Variants in SRGAP1 observed in about 807,000 individuals in gnomAD.
SRGAP1 encodes SLIT-ROBO Rho GTPase activating protein 1.
A neutral mutation model predicts 121.9 loss-of-function variants in SRGAP1; 43 were observed. The ratio of observed to expected loss-of-function variants is 0.35; its 90% CI spans 0.28 to 0.46. The LOEUF (loss-of-function observed/expected upper bound fraction) is 0.46. Ranked by LOEUF, SRGAP1 falls within the 20% of genes least tolerant of loss-of-function variation. SRGAP1 has a pLI of 1.00. For missense variants in SRGAP1, 1,102 were observed against 1,350.9 expected (o/e 0.82, Z 2.89); for synonymous variants, 447 against 485.4 (o/e 0.92, Z 1.04).
chr12:64,011,719 G>A (rs2034257745), intron 3 of SRGAP1, among the ~76,000 whole-genome samples: 1 of 152,014 alleles, frequency 6.6e-6, no homozygotes, highest in African/African-American at 2.4e-5. Context: ...TCAAATTGTG[G>A]TTCTGAAAAT....
chr12:64,069,189 C>G (rs1231793307), intron 8 of SRGAP1, among the ~76,000 whole-genome samples: 2 of 152,140 alleles, frequency 1.3e-5, no homozygotes, highest in East Asian at 3.8e-4. Flanking sequence ...TCCACTCAGC[C>G]CACTCACCTC....
At chr12:63,953,319 C>G (rs1438334835) in intron 1 of SRGAP1, among the ~76,000 whole-genome samples, 1 of 151,754 alleles carries the variant, frequency 6.6e-6, no homozygotes, top group Admixed American at 6.6e-5. Flanking sequence ...TTCATCTTCT[C>G]AGAAGGAAAA....
At chr12:64,095,716 T>C (rs893457009) in intron 14 of SRGAP1, among the ~76,000 whole-genome samples, 4 of 152,200 alleles carry the variant, frequency 2.6e-5, no homozygotes, top group African/African-American at 9.6e-5. Flanking sequence ...TCAATGTCAA[T>C]ACTTTTTTCC....
chr12:63,863,841 C>T (rs1899536052), intron 1 of SRGAP1, among the ~76,000 whole-genome samples: 1 of 152,154 alleles, frequency 6.6e-6, no homozygotes, highest in Non-Finnish European at 1.5e-5. Flanking sequence ...TCCAGTGCAG[C>T]CACATGGTGG....
chr12:64,063,643 C>T (rs1370275911), intron 7 of SRGAP1, among the ~76,000 whole-genome samples: 1 of 148,132 alleles, frequency 6.8e-6, no homozygotes, highest in Non-Finnish European at 1.5e-5. Flanking sequence ...ATTCAGCTTT[C>T]TATGTTATTT....
intron 8 of SRGAP1, among the ~76,000 whole-genome samples, chr12:64,071,847 G>A (rs1225706100): frequency 1.3e-5 from 2 of 151,790 alleles, no homozygotes; most frequent in Non-Finnish European, 2.9e-5. Flanking sequence ...TTCTGGAATG[G>A]TGATGTGACA....
intron 21 of SRGAP1, among the ~76,000 whole-genome samples, chr12:64,133,401 G>A (rs2036815106): frequency 6.6e-6 from 1 of 152,122 alleles, no homozygotes; most frequent in Non-Finnish European, 1.5e-5. Context: ...TAGACTCACT[G>A]TAAGTCAGAC....
chr12:64,007,974 A>G (rs2034136704), intron 3 of SRGAP1, among the ~76,000 whole-genome samples: 1 of 152,186 alleles, frequency 6.6e-6, no homozygotes, highest in African/African-American at 2.4e-5. Flanking sequence ...AGAAAAACAA[A>G]GTGTCTTCAC....
intron 1 of SRGAP1, among the ~76,000 whole-genome samples, chr12:63,846,371 G>A (rs1898901687): frequency 6.6e-6 from 1 of 152,072 alleles, no homozygotes; most frequent in African/African-American, 2.4e-5. Context: ...CCATTTCTCT[G>A]TGCAGTTTTT....
At chr12:64,086,771 G>A (rs1162049942) in intron 10 of SRGAP1, among the ~76,000 whole-genome samples, 1 of 144,934 alleles carries the variant, frequency 6.9e-6, no homozygotes, top group Non-Finnish European at 1.5e-5. Flanking sequence ...AGTGAAACAT[G>A]ATTCTCAAAT....
intron 2 of SRGAP1, among the ~76,000 whole-genome samples, chr12:63,988,714 C>T (rs2136416408): frequency 6.6e-6 from 1 of 152,274 alleles, no homozygotes; most frequent in East Asian, 1.9e-4. Context: ...GATAACATGT[C>T]TGATTAAAGG....
At chr12:63,930,767 C>A (rs556482694) in intron 1 of SRGAP1, among the ~76,000 whole-genome samples, 2 of 151,878 alleles carry the variant, frequency 1.3e-5, no homozygotes, top group Admixed American at 6.6e-5. Context: ...AAAAAAAATT[C>A]AAAAAGCGTC....
At chr12:63,945,691 C>G (rs2032022604) in intron 1 of SRGAP1, among the ~76,000 whole-genome samples, 1 of 152,112 alleles carries the variant, frequency 6.6e-6, no homozygotes, top group East Asian at 1.9e-4. Flanking sequence ...TGTTACTATC[C>G]AAGGCTTGAA....
chr12:63,880,740 C>T (rs549534996), intron 1 of SRGAP1, among the ~76,000 whole-genome samples: 2 of 152,234 alleles, frequency 1.3e-5, no homozygotes, highest in African/African-American at 2.4e-5. Flanking sequence ...TATGAATCCA[C>T]GTATTTTATT....
At chr12:64,017,229 A>G (rs1313494159) in intron 4 of SRGAP1, among the ~76,000 whole-genome samples, 4 of 152,232 alleles carry the variant, frequency 2.6e-5, no homozygotes, top group South Asian at 2.1e-4. Context: ...CTATCTACCT[A>G]TCTGTCTGTC....
intron 8 of SRGAP1, among the ~76,000 whole-genome samples, chr12:64,072,269 G>A (rs2035656259): frequency 6.6e-6 from 1 of 151,912 alleles, no homozygotes; most frequent in Non-Finnish European, 1.5e-5. Context: ...GGGAGGCAAA[G>A]GAAGGGATGA....
chr12:63,919,627 G>A (rs938259813), intron 1 of SRGAP1, among the ~76,000 whole-genome samples: 3 of 151,318 alleles, frequency 2.0e-5, no homozygotes, highest in African/African-American at 4.9e-5. Flanking sequence ...CAATTCTGTC[G>A]CACTTATCTG....
intron 1 of SRGAP1, among the ~76,000 whole-genome samples, chr12:63,845,597 A>G (rs1036712943): frequency 6.6e-6 from 1 of 151,954 alleles, no homozygotes; most frequent in African/African-American, 2.4e-5. Flanking sequence ...GTCCATTTAC[A>G]TTGTCAACTA....
chr12:64,020,893 C>T (rs566189169), intron 4 of SRGAP1, among the ~76,000 whole-genome samples: 1 of 122,034 alleles, frequency 8.2e-6, no homozygotes, highest in Non-Finnish European at 1.8e-5. Flanking sequence ...CAGCCTTGAA[C>T]AAAGGTTCTC....
Sources: gnomAD v4.1 joint callset for allele counts (sites outside exome capture counted in the v4.1 genomes callset) on GRCh38, gnomAD v4.1.1 for gene constraint, MANE v1.5 for transcripts, NCBI Gene and HGNC (gene_info 2026-07-23, HGNC 2026-07-21) for gene names.